NIPAL2: variants seen among roughly 807,000 people sequenced by gnomAD.
The protein encoded by NIPAL2 is NIPA like domain containing 2.
NIPAL2 carries 43 observed loss-of-function variants against 48.9 expected under a neutral mutation model. That is an observed-to-expected ratio of 0.88 (90% CI 0.69 to 1.13). NIPAL2 has a LOEUF of 1.13. Ranked by LOEUF, NIPAL2 falls within the 50% of genes most tolerant of loss-of-function variation. NIPAL2 has a pLI of 0.00. For missense variants in NIPAL2, 446 were observed against 461.4 expected, an observed-to-expected ratio of 0.97 and a Z score of 0.31; for synonymous variants, 167 against 174.6, an observed-to-expected ratio of 0.96 and a Z score of 0.34.
intron 6 of NIPAL2, among the ~76,000 whole-genome samples, chr8:98,206,326 A>ATATG (rs1554561622): frequency 0.011 from 1,637 of 151,284 alleles, 35 homozygotes; most frequent in African/African-American, 0.035. Flanking sequence ...GTATATATAT[A>ATATG]TATGTATGTA....
At chr8:98,205,476 G>T (rs1586303273) in intron 6 of NIPAL2, among the ~76,000 whole-genome samples, 1 of 148,142 alleles carries the variant, frequency 6.8e-6, no homozygotes, top group Non-Finnish European at 1.5e-5. Flanking sequence ...GTGTGACTGT[G>T]TGTTTTTTTT....
chr8:98,280,528 G>A (rs992515347), intron 1 of NIPAL2, among the ~76,000 whole-genome samples: 3 of 151,732 alleles, frequency 2.0e-5, no homozygotes, highest in East Asian at 1.9e-4. Context: ...TGAGACATGG[G>A]TGTTCAGCTC....
At chr8:98,232,990 T>C (rs1342563000) in intron 4 of NIPAL2, among the ~76,000 whole-genome samples, 2 of 152,236 alleles carry the variant, frequency 1.3e-5, no homozygotes, top group Non-Finnish European at 2.9e-5. Context: ...CCAGGCGTGA[T>C]AGCTCATGCC....
At chr8:98,293,946 G>T in intron 1 of NIPAL2, 57 bp downstream of exon 1, 1 of 1,352,892 alleles carries the variant, frequency 7.4e-7, no homozygotes. Flanking sequence ...GGCGCCCGGA[G>T]CCAGCCGCCC....
intron 3 of NIPAL2, among the ~76,000 whole-genome samples, chr8:98,250,979 A>C (rs1213367261): frequency 6.6e-6 from 1 of 152,032 alleles, no homozygotes; most frequent in East Asian, 1.9e-4. Context: ...TTTCTGTGAA[A>C]TCTCTGATCT....
At chr8:98,242,773 C>A (rs892484390) in intron 3 of NIPAL2, among the ~76,000 whole-genome samples, 1 of 152,078 alleles carries the variant, frequency 6.6e-6, no homozygotes, top group Non-Finnish European at 1.5e-5. Flanking sequence ...AGTGAGCCAC[C>A]GCGCCCGGTC....
chr8:98,193,310 C>A (rs1424165793), intron 10 of NIPAL2: 3 of 1,532,436 alleles, frequency 2.0e-6, no homozygotes, highest in African/African-American at 1.4e-5. Flanking sequence ...ACTATCCCCA[C>A]CCCACAGGAT....
chr8:98,246,226 C>A (rs1475171370), intron 3 of NIPAL2, among the ~76,000 whole-genome samples: 1 of 152,194 alleles, frequency 6.6e-6, no homozygotes, highest in Non-Finnish European at 1.5e-5. Flanking sequence ...TCTGCTATGA[C>A]CGTCGTCTAA....
chr8:98,286,267 T>C (rs117879142), intron 1 of NIPAL2, among the ~76,000 whole-genome samples: 31 of 152,290 alleles, frequency 2.0e-4, no homozygotes, highest in Non-Finnish European at 4.4e-4. Flanking sequence ...TGTGGTATAC[T>C]ATTATAGCAG....
chr8:98,193,557 AC>A, intron 10 of NIPAL2: 1 of 788,460 alleles, frequency 1.3e-6, no homozygotes, highest in Non-Finnish European at 2.2e-6. Flanking sequence ...AGTGGCTCAC[AC>A]CTATCATCCC....
chr8:98,291,528 G>C (rs920258192), intron 1 of NIPAL2, among the ~76,000 whole-genome samples: 2 of 152,042 alleles, frequency 1.3e-5, no homozygotes, highest in African/African-American at 4.8e-5. Flanking sequence ...CCTTGTTTTG[G>C]CATTACCTAC....
chr8:98,244,364 G>GA (rs1813166578), intron 3 of NIPAL2, among the ~76,000 whole-genome samples: 1 of 66,940 alleles, frequency 1.5e-5, no homozygotes, highest in Non-Finnish European at 3.2e-5. Context: ...GTGGTGATGA[G>GA]GGGTAGTCTG....
At chr8:98,258,187 A>G (rs181899141) in intron 1 of NIPAL2, among the ~76,000 whole-genome samples, 68 of 152,360 alleles carry the variant, frequency 4.5e-4, no homozygotes, top group African/African-American at 1.4e-3. Flanking sequence ...CAGATAGTCA[A>G]ATTCATGAAG....
At chr8:98,286,069 G>C (rs976986963) in intron 1 of NIPAL2, among the ~76,000 whole-genome samples, 13 of 152,072 alleles carry the variant, frequency 8.5e-5, no homozygotes, top group Non-Finnish European at 1.5e-4. Context: ...TTCTGGAGTA[G>C]GTTTCTTATA....
At chr8:98,263,061 A>C (rs1396988227) in intron 1 of NIPAL2, among the ~76,000 whole-genome samples, 7 of 150,320 alleles carry the variant, frequency 4.7e-5, no homozygotes, top group Non-Finnish European at 1.0e-4. Context: ...GCAGAAATAA[A>C]GATGTTCTTT....
intron 4 of NIPAL2, 54 bp from the exon 5 acceptor site, chr8:98,222,654 T>C: frequency 6.3e-7 from 1 of 1,587,376 alleles, no homozygotes; most frequent in South Asian, 1.1e-5. Context: ...AAAGCTTTTG[T>C]TGACGCAGAC....
chr8:98,253,993 G>A lies in NIPAL2; in HGVS notation c.204+26C>T, dbSNP rs765437141. ...ATGTGTCCCTGGATCAATCTATAGTGTTAGAAAAATAAGCTTTTTTCTTAC... is the reference window on the plus strand; with the variant it reads ...ATGTGTCCCTGGATCAATCTATAGTATTAGAAAAATAAGCTTTTTTCTTAC... On this transcript the variant is annotated intron_variant, in intron 2 of 10. Transcript: ENST00000430223. 2.6e-6 allele frequency: 4 copies of A among 1,526,374 alleles called. No individual in the cohort carries two copies. In the African/African-American group the frequency reaches 4.1e-5, roughly 16 times the overall value. The allele number at this position is 1,526,374 out of a possible 1,614,324, so 94.6% of individuals were successfully genotyped here.
chr8:98,271,583 G>A (rs1292990234), intron 1 of NIPAL2, among the ~76,000 whole-genome samples: 1 of 152,034 alleles, frequency 6.6e-6, no homozygotes, highest in African/African-American at 2.4e-5. Context: ...TCAGGTCAAG[G>A]AGCCTTTTGG....
At chr8:98,227,506 C>T (rs1386164644) in intron 4 of NIPAL2, among the ~76,000 whole-genome samples, 2 of 152,166 alleles carry the variant, frequency 1.3e-5, no homozygotes, top group African/African-American at 4.8e-5. Context: ...CCCTTCAAGG[C>T]AGTGGCTTCC....
Sources: gnomAD v4.1 joint callset for allele counts (sites outside exome capture counted in the v4.1 genomes callset) on GRCh38, gnomAD v4.1.1 for gene constraint, MANE v1.5 for transcripts, NCBI Gene and HGNC (gene_info 2026-07-23, HGNC 2026-07-21) for gene names.